Variants in KDM4C observed in about 807,000 individuals in gnomAD.
KDM4C encodes lysine demethylase 4C.
Under a neutral mutation model 129.3 loss-of-function variants are expected in KDM4C, and 81 were observed. The ratio of observed to expected loss-of-function variants is 0.63; its 90% CI spans 0.52 to 0.75. The LOEUF (loss-of-function observed/expected upper bound fraction) is 0.75. KDM4C is among the 30% of genes least tolerant of loss of function. KDM4C has a pLI of 0.00. For synonymous variants in KDM4C, 573 were observed against 456.1 expected (o/e 1.26, Z -3.26); for missense variants, 1,457 against 1,304.0 (o/e 1.12, Z -1.81).
Position 7,019,353 on chromosome 9 carries a change from A to G in KDM4C, c.2259+3424A>G, listed in dbSNP as rs1169099451. 2.6e-5 allele frequency among the ~76,000 whole-genome samples: 4 copies of G among 152,272 alleles called. No homozygotes were observed. The East Asian group carries it at 7.7e-4, about 29-fold the overall frequency. On this transcript the variant is annotated intron_variant, in intron 15 of 21. Coordinates refer to ENST00000381309, the MANE Select transcript of KDM4C (RefSeq NM_015061.6). ...AGCCTCCTTGTAAATAAAGGGCTCT[A>G]AAGGAGCTCATGGAAATCAAATAGT...
chr9:7,114,325 C>T (rs1293627579), intron 18 of KDM4C, among the ~76,000 whole-genome samples: 3 of 152,074 alleles, frequency 2.0e-5, no homozygotes, highest in Non-Finnish European at 4.4e-5. Flanking sequence ...TAGTCACCCT[C>T]AGGGACAAAA....
In KDM4C at chr9:6,815,311, A is replaced by G. The variant is rs556424847; in HGVS notation, c.435+566A>G. 3.3e-5 allele frequency among the ~76,000 whole-genome samples: 5 copies of G among 152,214 alleles called. No individual in the cohort carries two copies. The East Asian group carries it at 7.7e-4, about 23-fold the overall frequency. On this transcript the variant is annotated intron_variant, in intron 4 of 21. Coordinates refer to ENST00000381309, the MANE Select transcript of KDM4C (RefSeq NM_015061.6). ...CCTGATATTTTAAAACCCTAATTCT[A>G]AAAGTTCTTTGTCTTTTGAAACCTT...
chr9:6,889,360 C>T (rs866155922), intron 7 of KDM4C, among the ~76,000 whole-genome samples: 8 of 151,990 alleles, frequency 5.3e-5, no homozygotes, highest in Non-Finnish European at 8.8e-5. Context: ...GCAGCAGTCA[C>T]GCACAAGATA....
intron 8 of KDM4C, among the ~76,000 whole-genome samples, chr9:6,918,806 C>T (rs969350703): frequency 1.9e-4 from 29 of 151,350 alleles, no homozygotes; most frequent in African/African-American, 4.4e-4. Flanking sequence ...CTTTGTTGGC[C>T]GCTTGTATGT....
At chr9:6,841,917 T>C (rs574995664) in intron 4 of KDM4C, among the ~76,000 whole-genome samples, 3 of 152,256 alleles carry the variant, frequency 2.0e-5, no homozygotes, top group Non-Finnish European at 4.4e-5. Flanking sequence ...ATCCTACTTA[T>C]CCTGGAGCTG....
chr9:7,006,981 A>C (rs1383935681), intron 12 of KDM4C, among the ~76,000 whole-genome samples: 1 of 152,244 alleles, frequency 6.6e-6, no homozygotes, highest in African/African-American at 2.4e-5. Context: ...AAAAAATTTG[A>C]AAACAGCTAT....
chr9:7,058,327 A>G (rs959973679), intron 17 of KDM4C, among the ~76,000 whole-genome samples: 2 of 152,214 alleles, frequency 1.3e-5, no homozygotes, highest in Middle Eastern at 3.2e-3. Context: ...TGCAAGTGCA[A>G]CGGCTGGTAA....
At chr9:6,811,358 T>C (rs1831111909) in intron 3 of KDM4C, among the ~76,000 whole-genome samples, 1 of 152,284 alleles carries the variant, frequency 6.6e-6, no homozygotes, top group South Asian at 2.1e-4. Context: ...TTTCAACATG[T>C]TGGCCAGGCT....
In KDM4C at chr9:6,954,189, A is replaced by G. The variant is rs568201788; in HGVS notation, c.922-26736A>G. Reference sequence around the variant, plus strand: ...GATACATAGGATTCTGATCCTATATATCTTTCAGTGTCTAGTTCAAACAGC... The same window carrying G: ...GATACATAGGATTCTGATCCTATATGTCTTTCAGTGTCTAGTTCAAACAGC... On this transcript the variant is annotated intron_variant, in intron 8 of 21. Coordinates refer to ENST00000381309, the MANE Select transcript of KDM4C (RefSeq NM_015061.6). 1.1e-3 allele frequency among the ~76,000 whole-genome samples: 170 copies of G among 152,282 alleles called. 1 individual carries two copies. Among genetic ancestry groups the G allele is most frequent in the African/African-American group, 3.2e-3 (132 of 41,554 alleles).
chr9:7,089,910 A>G (rs1835595998), intron 17 of KDM4C, among the ~76,000 whole-genome samples: 1 of 152,238 alleles, frequency 6.6e-6, no homozygotes, highest in South Asian at 2.1e-4. Flanking sequence ...AATGGCCGTC[A>G]GCTGGGTTCC....
intron 8 of KDM4C, among the ~76,000 whole-genome samples, chr9:6,979,899 A>G (rs566107513): frequency 3.0e-4 from 46 of 152,314 alleles, no homozygotes; most frequent in African/African-American, 1.0e-3. Context: ...TTTGGTAGCG[A>G]CAGAGTGTGG....
chr9:6,823,384 C>T (rs1471993985), intron 4 of KDM4C, among the ~76,000 whole-genome samples: 1 of 152,180 alleles, frequency 6.6e-6, no homozygotes, highest in East Asian at 1.9e-4. Flanking sequence ...TGTAATAAAC[C>T]TATGGGATAG....
intron 15 of KDM4C, among the ~76,000 whole-genome samples, chr9:7,045,608 A>G (rs1226837941): frequency 6.6e-6 from 1 of 152,060 alleles, no homozygotes; most frequent in Admixed American, 6.6e-5. Context: ...TGGTATGGAT[A>G]GAGAAAATTC....
At chr9:6,780,566 A>G (rs2130756206) in intron 1 of KDM4C, among the ~76,000 whole-genome samples, 1 of 152,006 alleles carries the variant, frequency 6.6e-6, no homozygotes, top group Admixed American at 6.6e-5. Flanking sequence ...TCAAGAGTCC[A>G]GGACCAGCCT....
intron 15 of KDM4C, among the ~76,000 whole-genome samples, chr9:7,044,234 G>GA (rs1260907111): frequency 2.5e-4 from 38 of 152,090 alleles, no homozygotes; most frequent in South Asian, 6.2e-4. Flanking sequence ...TCAAGAATGT[G>GA]TTTAGTTTAA....
At chr9:6,781,444 G>A (rs1385103167) in intron 1 of KDM4C, among the ~76,000 whole-genome samples, 1 of 151,492 alleles carries the variant, frequency 6.6e-6, no homozygotes, top group Non-Finnish European at 1.5e-5. Context: ...CATTAAATTT[G>A]TTGCCAACAG....
At chr9:6,807,784 G>C (rs912921920) in intron 3 of KDM4C, among the ~76,000 whole-genome samples, 2 of 136,032 alleles carry the variant, frequency 1.5e-5, no homozygotes, top group Admixed American at 7.5e-5. Context: ...CCGTCTGGGA[G>C]GGAGGTGGGG....
At chr9:7,072,120 T>C (rs1159225880) in intron 17 of KDM4C, among the ~76,000 whole-genome samples, 1 of 152,206 alleles carries the variant, frequency 6.6e-6, no homozygotes. Flanking sequence ...TACATATCAA[T>C]GGAATAGTCA....
At chr9:6,757,140 G>A (rs1206785978), upstream of KDM4C, among the ~76,000 whole-genome samples, 1 of 152,162 alleles carries the variant, frequency 6.6e-6, no homozygotes, top group Non-Finnish European at 1.5e-5. Flanking sequence ...CTGACACCTC[G>A]GAAGGCGGAG....
Sources: gnomAD v4.1 joint callset for allele counts (sites outside exome capture counted in the v4.1 genomes callset) on GRCh38, gnomAD v4.1.1 for gene constraint, MANE v1.5 for transcripts, NCBI Gene and HGNC (gene_info 2026-07-23, HGNC 2026-07-21) for gene names.